Variants in NTNG1 observed in about 807,000 individuals in gnomAD.
The protein encoded by NTNG1 is netrin-G1.
A neutral mutation model predicts 54.0 loss-of-function variants in NTNG1; 16 were observed. That is an observed-to-expected ratio of 0.30 (90% CI 0.20 to 0.45). The LOEUF (loss-of-function observed/expected upper bound fraction) is 0.45. NTNG1 is among the 20% of genes least tolerant of loss of function. The pLI, the probability that NTNG1 is intolerant of heterozygous loss-of-function variation, is 1.00. For synonymous variants in NTNG1, 255 were observed against 263.1 expected (o/e 0.97, Z 0.30); for missense variants, 530 against 678.7 (o/e 0.78, Z 2.43).
At chr1:107,160,984 G>A (rs1174410715) in intron 2 of NTNG1, among the ~76,000 whole-genome samples, 4 of 152,126 alleles carry the variant, frequency 2.6e-5, no homozygotes, top group Non-Finnish European at 4.4e-5. Flanking sequence ...AATCAGAAGA[G>A]ATGACAATGG....
intron 2 of NTNG1, among the ~76,000 whole-genome samples, chr1:107,230,262 G>A (rs1291002962): frequency 6.6e-6 from 1 of 152,154 alleles, no homozygotes; most frequent in Admixed American, 6.6e-5. Context: ...ATCCCTCGGT[G>A]TAAGAGTGAT....
chr1:107,196,540 T>C (rs2101240644), intron 2 of NTNG1, among the ~76,000 whole-genome samples: 1 of 152,100 alleles, frequency 6.6e-6, no homozygotes, highest in South Asian at 2.1e-4. Context: ...TTGGGTCCTG[T>C]CTTCTGTTTA....
chr1:107,159,980 CA>C (rs1223111391), intron 2 of NTNG1, among the ~76,000 whole-genome samples: 2 of 152,158 alleles, frequency 1.3e-5, no homozygotes, highest in African/African-American at 4.8e-5. Context: ...ATGTAAAAAA[CA>C]GAATAATAAG....
intron 2 of NTNG1, among the ~76,000 whole-genome samples, chr1:107,233,079 A>T (rs999599377): frequency 6.6e-6 from 1 of 152,222 alleles, no homozygotes. Context: ...GGTTGTCTCT[A>T]ATATGACTGA....
intron 2 of NTNG1, among the ~76,000 whole-genome samples, chr1:107,290,416 C>T (rs748529013): frequency 1.3e-5 from 2 of 152,116 alleles, no homozygotes; most frequent in African/African-American, 2.4e-5. Context: ...AGCTGAAAGA[C>T]GTGGACCCTG....
chr1:107,270,565 G>A (rs1664073980), intron 2 of NTNG1, among the ~76,000 whole-genome samples: 1 of 151,980 alleles, frequency 6.6e-6, no homozygotes, highest in African/African-American at 2.4e-5. Context: ...GTTATTAATG[G>A]GTTCTCTTAT....
intron 2 of NTNG1, among the ~76,000 whole-genome samples, chr1:107,255,009 A>G (rs905777541): frequency 6.6e-6 from 1 of 152,226 alleles, no homozygotes. Context: ...ATAAACAACT[A>G]CAACACAATT....
At chr1:107,335,369 A>G (rs1668518697) in intron 3 of NTNG1, among the ~76,000 whole-genome samples, 1 of 152,040 alleles carries the variant, frequency 6.6e-6, no homozygotes, top group Non-Finnish European at 1.5e-5. Flanking sequence ...ATGCCTTTAC[A>G]TATTGATAGG....
chr1:107,350,356 A>C (rs1310818164), intron 3 of NTNG1, among the ~76,000 whole-genome samples: 1 of 152,098 alleles, frequency 6.6e-6, no homozygotes, highest in African/African-American at 2.4e-5. Context: ...GTGACTTTTG[A>C]TGAATAGATG....
rs2101619391 is a variant in NTNG1, at chr1:107,480,831, G to C, written c.1611G>C (p.Leu537=). The stretch of plus-strand genomic sequence containing the variant: ...CGCTGCTGGGAACCGCCAGCCCCCT[G>C]GTGTTCTAGGTGTCACCTCCAGCCA... ...LTTLLGTASP[L]VF Residue 537 remains leucine, a synonymous_variant, in exon 8 of 8, where the codon CTG becomes CTC. Coordinates refer to ENST00000370068, the MANE Select transcript of NTNG1 (RefSeq NM_001113226.3). The C allele has an allele frequency of 6.4e-7, 1 of 1,558,472 alleles. No homozygotes were observed. The highest frequency in any genetic ancestry group is 1.4e-5 in the African/African-American group (1 of 73,612).
rs550026872 is a variant in NTNG1, at chr1:107,252,190, G to A, written c.247-72092G>A. Among the ~76,000 whole-genome samples, 3 of 152,188 alleles carry A rather than the reference G, an allele frequency of 2.0e-5. No individual in the cohort carries two copies. In the East Asian group the frequency reaches 5.8e-4, roughly 29 times the overall value. ...CATTTTGTCTATTATTATTGCTTTTGTTCAGGCCAAATTAAAGTCTTCACT... is the reference window on the plus strand; with the variant it reads ...CATTTTGTCTATTATTATTGCTTTTATTCAGGCCAAATTAAAGTCTTCACT... On this transcript the variant is annotated intron_variant, in intron 2 of 7. Transcript: ENST00000370068.
At chr1:107,418,700 T>C (rs898885274) in intron 5 of NTNG1, 2 of 1,115,470 alleles carry the variant, frequency 1.8e-6, no homozygotes, top group African/African-American at 3.1e-5. Context: ...TGGGGGAAAA[T>C]CCTATATGCC....
At chr1:107,400,698 G>T (rs1672971235) in intron 4 of NTNG1, among the ~76,000 whole-genome samples, 1 of 151,128 alleles carries the variant, frequency 6.6e-6, no homozygotes, top group Admixed American at 6.6e-5. Flanking sequence ...GCCCAGGCTG[G>T]AGTGCAATGG....
At chr1:107,370,932 C>A (rs1557941096) in intron 3 of NTNG1, among the ~76,000 whole-genome samples, 2 of 152,020 alleles carry the variant, frequency 1.3e-5, no homozygotes, top group Non-Finnish European at 2.9e-5. Context: ...GTATATTGAT[C>A]TTATATACTG....
chr1:107,158,315 C>T (rs1171182146), intron 2 of NTNG1, among the ~76,000 whole-genome samples: 2 of 152,046 alleles, frequency 1.3e-5, no homozygotes, highest in Admixed American at 1.3e-4. Flanking sequence ...TTACTGAGAT[C>T]GGCAGGTTGT....
rs181134949 is a variant in NTNG1, at chr1:107,374,834, G to C, written c.888-20320G>C. Reference sequence around the variant, plus strand: ...TTGTATTTTTATGAATATTCTTTAGGGTTTTTTTTTCTGTGATTTATTAAG... The same window carrying C: ...TTGTATTTTTATGAATATTCTTTAGCGTTTTTTTTTCTGTGATTTATTAAG... On this transcript the variant is annotated intron_variant, in intron 3 of 7. Transcript: ENST00000370068. Among the ~76,000 whole-genome samples, 601 of 151,582 alleles carry C rather than the reference G, an allele frequency of 4.0e-3. 1 individual carries two copies. The highest frequency in any genetic ancestry group is 0.017 in the Middle Eastern group (5 of 294).
At chr1:107,421,246 T>C (rs966900670) in intron 5 of NTNG1, 1 of 781,280 alleles carries the variant, frequency 1.3e-6, no homozygotes. Context: ...CATCAGCTTA[T>C]TGGTGAGGCA....
intron 5 of NTNG1, among the ~76,000 whole-genome samples, chr1:107,420,673 C>A (rs961884265): frequency 1.3e-5 from 2 of 151,914 alleles, no homozygotes; most frequent in African/African-American, 4.8e-5. Context: ...CAAAAATAGT[C>A]TAAATGGTGT....
intron 5 of NTNG1, chr1:107,408,227 C>A (rs1673572316): frequency 4.8e-6 from 1 of 209,172 alleles, no homozygotes; most frequent in Non-Finnish European, 9.7e-6. Flanking sequence ...CTGAAACAGG[C>A]AAATTTGTGA....
Sources: gnomAD v4.1 joint callset for allele counts (sites outside exome capture counted in the v4.1 genomes callset) on GRCh38, gnomAD v4.1.1 for gene constraint, MANE v1.5 for transcripts, NCBI Gene and HGNC (gene_info 2026-07-23, HGNC 2026-07-21) for gene names.